The following SAMD12 variants were observed in gnomAD, a reference collection of about 807,000 sequenced individuals.
SAMD12 encodes sterile alpha motif domain containing 12.
In SAMD12, 9 loss-of-function variants were observed where a neutral mutation model predicts 15.0. The observed-to-expected ratio is 0.60, with a 90% confidence interval of 0.36 to 1.05. SAMD12 has a LOEUF of 1.05. Ranked by LOEUF, SAMD12 falls within the 50% of genes least tolerant of loss-of-function variation. The probability of loss-of-function intolerance (pLI) is 0.01; values close to 1 mark genes in which losing one functional copy is unlikely to be tolerated. For synonymous variants in SAMD12, 86 were observed against 90.1 expected (o/e 0.96, Z 0.25); for missense variants, 230 against 234.2 (o/e 0.98, Z 0.12).
At chr8:118,259,596 T>C (rs960743563) in intron 4 of SAMD12, among the ~76,000 whole-genome samples, 1 of 151,968 alleles carries the variant, frequency 6.6e-6, no homozygotes, top group African/African-American at 2.4e-5. Context: ...GTTTCTATTG[T>C]TGCTGAAGGA....
chr8:118,411,519 T>A (rs1821404423), intron 3 of SAMD12, among the ~76,000 whole-genome samples: 1 of 152,110 alleles, frequency 6.6e-6, no homozygotes, highest in South Asian at 2.1e-4. Flanking sequence ...TTTAAAAGAG[T>A]GTGACTTATA....
chr8:118,169,502 G>A, the SAMD12 span, among the ~76,000 whole-genome samples: 1 of 152,114 alleles, frequency 6.6e-6, no homozygotes, highest in Non-Finnish European at 1.5e-5. Context: ...GTTCCTGTGG[G>A]AATACATCTT....
chr8:118,403,147 T>A (rs372943643), intron 3 of SAMD12, among the ~76,000 whole-genome samples: 1 of 152,228 alleles, frequency 6.6e-6, no homozygotes, highest in East Asian at 1.9e-4. Flanking sequence ...GAATGCTGCA[T>A]CTTCATGACA....
the SAMD12 span, among the ~76,000 whole-genome samples, chr8:118,132,029 G>A: frequency 6.6e-6 from 1 of 152,126 alleles, no homozygotes; most frequent in Non-Finnish European, 1.5e-5. Flanking sequence ...GATAATCAAT[G>A]TCAGTATTTC....
intron 2 of SAMD12, among the ~76,000 whole-genome samples, chr8:118,567,512 C>T (rs893488237): frequency 5.3e-5 from 8 of 152,084 alleles, no homozygotes; most frequent in African/African-American, 1.7e-4. Context: ...AGATAAGCTA[C>T]ACAATACACA....
chr8:118,447,738 A>ATTTATTTATTTATTTATTTT, intron 2 of SAMD12, among the ~76,000 whole-genome samples: 1 of 141,248 alleles, frequency 7.1e-6, no homozygotes, highest in African/African-American at 2.8e-5. Flanking sequence ...TTATTTATTT[A>ATTTATTTATTTATTTATTTT]TTTTTGAGAT....
chr8:118,548,306 A>G (rs781100541), intron 2 of SAMD12, among the ~76,000 whole-genome samples: 18 of 152,114 alleles, frequency 1.2e-4, no homozygotes, highest in Non-Finnish European at 2.6e-4. Flanking sequence ...GGGGTAATAG[A>G]TATATGATTC....
At chr8:118,414,365 A>G (rs1009894693) in intron 3 of SAMD12, among the ~76,000 whole-genome samples, 1 of 151,134 alleles carries the variant, frequency 6.6e-6, no homozygotes, top group Non-Finnish European at 1.5e-5. Context: ...ATCACATTTT[A>G]GTGACAATGT....
chr8:118,187,030 C>T (rs531512683), downstream of SAMD12, among the ~76,000 whole-genome samples: 1 of 152,164 alleles, frequency 6.6e-6, no homozygotes, highest in Non-Finnish European at 1.5e-5. Context: ...CTTGAACTTT[C>T]CTGCAGACAC....
chr8:118,444,886 ACAAAC>A (rs1563864145), intron 2 of SAMD12, among the ~76,000 whole-genome samples: 1 of 152,232 alleles, frequency 6.6e-6, no homozygotes, highest in Non-Finnish European at 1.5e-5. Context: ...CAATGGTTGT[ACAAAC>A]TCTTAACTAG....
chr8:118,412,457 G>C (rs975509575), intron 3 of SAMD12, among the ~76,000 whole-genome samples: 2 of 152,172 alleles, frequency 1.3e-5, no homozygotes, highest in African/African-American at 4.8e-5. Flanking sequence ...TTCGTTGCTT[G>C]AGCAATGATT....
In SAMD12 at chr8:118,379,802, C is replaced by T. The variant is rs1360407898; in HGVS notation, c.323-102G>A. The T allele has an allele frequency of 1.2e-5, 17 of 1,407,390 alleles. No individual in the cohort carries two copies. In the African/African-American group the frequency reaches 1.3e-4, roughly 11 times the overall value. 87.2% of individuals were successfully genotyped at this position (1,407,390 alleles called of 1,614,324 possible). On this transcript the variant is annotated intron_variant, in intron 3 of 3. Coordinates refer to ENST00000314727, the MANE Select transcript of SAMD12 (RefSeq NM_207506.3). ...AACCCTGCCATCACAGAAGTTTCTA[C>T]CTAAACACAGACATTTTAGAATAAA...
chr8:118,448,986 C>T (rs1385140778), intron 2 of SAMD12, among the ~76,000 whole-genome samples: 1 of 152,122 alleles, frequency 6.6e-6, no homozygotes, highest in Non-Finnish European at 1.5e-5. Flanking sequence ...TCCTGAATAG[C>T]ACCGGCATCC....
At chr8:118,475,571 T>C (rs549746364) in intron 2 of SAMD12, among the ~76,000 whole-genome samples, 9 of 152,342 alleles carry the variant, frequency 5.9e-5, no homozygotes, top group African/African-American at 1.7e-4. Context: ...GACTGGATCA[T>C]AAGGCTAATA....
intron 4 of SAMD12, among the ~76,000 whole-genome samples, chr8:118,329,118 A>G (rs1423875998): frequency 6.7e-6 from 1 of 150,082 alleles, no homozygotes; most frequent in African/African-American, 2.4e-5. Context: ...AATTTTGGAA[A>G]AGTAAACAAA....
the SAMD12 span, among the ~76,000 whole-genome samples, chr8:118,133,856 GCTTGGAGCAATTAAAGTAGTCC>G: frequency 6.6e-6 from 1 of 152,154 alleles, no homozygotes; most frequent in African/African-American, 2.4e-5. Context: ...TTATTCTCCA[GCTTGGAGCAATTAAAGTAGTCC>G]CTCTCCTCTC....
chr8:118,483,817 T>C (rs1019956832), intron 2 of SAMD12, among the ~76,000 whole-genome samples: 3 of 152,194 alleles, frequency 2.0e-5, no homozygotes, highest in Admixed American at 6.5e-5. Flanking sequence ...TTGTCATTCT[T>C]ACCCCCATTT....
intron 4 of SAMD12, among the ~76,000 whole-genome samples, chr8:118,246,174 G>C (rs997258447): frequency 1.3e-5 from 2 of 152,142 alleles, no homozygotes; most frequent in African/African-American, 2.4e-5. Context: ...AGTCTAACAG[G>C]AGAGTTGTCA....
intron 4 of SAMD12, among the ~76,000 whole-genome samples, chr8:118,308,796 C>A (rs780061505): frequency 6.6e-6 from 1 of 151,916 alleles, no homozygotes; most frequent in Admixed American, 6.6e-5. Context: ...CTGCTTAACA[C>A]GCCTCCAGCC....
Sources: allele counts gnomAD v4.1 joint callset (sites outside exome capture counted in the v4.1 genomes callset), GRCh38; gene constraint gnomAD v4.1.1; transcripts MANE v1.5; gene names NCBI Gene and HGNC (gene_info 2026-07-23, HGNC 2026-07-21).